Variants in NEURL1 observed in about 807,000 individuals in gnomAD.
The protein encoded by NEURL1 is E3 ubiquitin-protein ligase NEURL1.
Under a neutral mutation model 41.2 loss-of-function variants are expected in NEURL1, and 26 were observed. That is an observed-to-expected ratio of 0.63 (90% CI 0.46 to 0.87). The LOEUF is 0.87. NEURL1 is among the 40% of genes least tolerant of loss of function. The pLI is 0.00. For synonymous variants in NEURL1, 400 were observed against 402.3 expected (o/e 0.99, Z 0.07); for missense variants, 761 against 871.1 (o/e 0.87, Z 1.59).
chr10:103,574,384 G>GTT (rs148177794), intron 3 of NEURL1, among the ~76,000 whole-genome samples: 2 of 152,118 alleles, frequency 1.3e-5, no homozygotes, highest in African/African-American at 4.8e-5. Flanking sequence ...CACAGGGAGT[G>GTT]TTTTTTATCC....
At chr10:103,564,983 C>A (rs1028547706) in intron 1 of NEURL1, among the ~76,000 whole-genome samples, 1 of 152,204 alleles carries the variant, frequency 6.6e-6, no homozygotes. Flanking sequence ...ATGAGAACAG[C>A]GCCCCCTAGA....
chr10:103,565,921 G>A (rs1177904928), intron 1 of NEURL1, among the ~76,000 whole-genome samples: 2 of 152,082 alleles, frequency 1.3e-5, no homozygotes, highest in Admixed American at 6.6e-5. Context: ...CCAAAGTGCT[G>A]GGATTACAGA....
intron 1 of NEURL1, among the ~76,000 whole-genome samples, chr10:103,502,506 G>A (rs1170831640): frequency 6.6e-6 from 1 of 152,076 alleles, no homozygotes; most frequent in East Asian, 1.9e-4. Flanking sequence ...TTATAAAGCC[G>A]CTAATCCTAT....
intron 1 of NEURL1, among the ~76,000 whole-genome samples, chr10:103,561,966 G>A (rs1306834397): frequency 1.3e-5 from 2 of 152,142 alleles, no homozygotes; most frequent in South Asian, 2.1e-4. Context: ...GCACGAAGTG[G>A]GTGCTGCCTG....
intron 1 of NEURL1, among the ~76,000 whole-genome samples, chr10:103,570,232 C>T (rs1258581552): frequency 6.6e-6 from 1 of 152,142 alleles, no homozygotes; most frequent in East Asian, 1.9e-4. Flanking sequence ...TCTTGGGGGC[C>T]CCACCAGAGT....
intron 1 of NEURL1, among the ~76,000 whole-genome samples, chr10:103,517,546 G>C (rs1438701003): frequency 6.6e-6 from 1 of 152,230 alleles, no homozygotes; most frequent in Non-Finnish European, 1.5e-5. Context: ...TCTGGCCTTT[G>C]CCTGAGCTGG....
intron 1 of NEURL1, among the ~76,000 whole-genome samples, chr10:103,506,202 C>G (rs529167698): frequency 1.3e-3 from 192 of 152,282 alleles, no homozygotes; most frequent in Non-Finnish European, 1.7e-3. Flanking sequence ...TCCCACTTGG[C>G]TTGCCCCAGC....
chr10:103,589,047 A>G, intron 4 of NEURL1: 1 of 396,802 alleles, frequency 2.5e-6, no homozygotes, highest in Non-Finnish European at 4.9e-6. Flanking sequence ...AAGGCACTGC[A>G]GAGGTGCCAT....
At chr10:103,518,749 G>A (rs1389538373) in intron 1 of NEURL1, among the ~76,000 whole-genome samples, 3 of 152,142 alleles carry the variant, frequency 2.0e-5, no homozygotes, top group Non-Finnish European at 4.4e-5. Flanking sequence ...TGTGCATCTA[G>A]TTATCACTCA....
rs796115588 is a variant in NEURL1 at position 103,530,558 on chromosome 10, C to CT, written c.85+36100dup. On this transcript the variant is annotated intron_variant, in intron 1 of 5. Coordinates refer to ENST00000369780, the MANE Select transcript of NEURL1 (RefSeq NM_004210.5). The stretch of plus-strand genomic sequence containing the variant: ...AATGATAGTTGATATGATTTCAATT[C>CT]TTTTTTTTTTTTTTCTCTGTCACCC... Among the ~76,000 whole-genome samples the CT allele has an allele frequency of 3.2e-3, 455 of 142,894 alleles. 2 individuals carry two copies. Among genetic ancestry groups the CT allele is most frequent in the African/African-American group, 5.9e-3 (233 of 39,288 alleles). The allele number at this position is 142,894 out of a possible 152,430, so 93.7% of individuals were successfully genotyped here.
At chr10:103,561,318 G>A (rs1200109329) in intron 1 of NEURL1, among the ~76,000 whole-genome samples, 2 of 150,960 alleles carry the variant, frequency 1.3e-5, no homozygotes, top group South Asian at 4.2e-4. Context: ...CTAGAGTGCA[G>A]TGGTGTGATC....
At chr10:103,585,891 A>G (rs568038309) in intron 4 of NEURL1, among the ~76,000 whole-genome samples, 89 of 151,834 alleles carry the variant, frequency 5.9e-4, no homozygotes, top group African/African-American at 2.0e-3. Flanking sequence ...CTCGGTTACC[A>G]TTTCTCCAAA....
chr10:103,529,313 C>T (rs188893143), intron 1 of NEURL1, among the ~76,000 whole-genome samples: 5 of 152,128 alleles, frequency 3.3e-5, no homozygotes, highest in South Asian at 2.1e-4. Context: ...AGCCTTGAGC[C>T]GAGCCATGGG....
At chr10:103,513,124 T>C (rs1455924221) in intron 1 of NEURL1, among the ~76,000 whole-genome samples, 2 of 152,120 alleles carry the variant, frequency 1.3e-5, no homozygotes, top group African/African-American at 4.8e-5. Context: ...TGCTGCCTGC[T>C]GAAGTCTTGC....
rs547971946 is a variant in NEURL1 at position 103,545,083 on chromosome 10, A to G, written c.86-25789A>G. 1.8e-4 allele frequency among the ~76,000 whole-genome samples: 27 copies of G among 152,322 alleles called. No homozygotes were observed. The highest frequency in any genetic ancestry group is 1.4e-3 in the Admixed American group (21 of 15,308). On this transcript the variant is annotated intron_variant, in intron 1 of 5. Transcript: ENST00000369780. This position sits in a 1 kb window ranked among gnomAD's most constrained non-coding sequence, Gnocchi z 4.5. ...GCCTGAGAGAAGTTACTGGAAAGGG[A>G]AGAAAGGAAGGCGGCGGCAATGAGC...
chr10:103,584,853 C>T lies in NEURL1; in HGVS notation c.967C>T (p.Arg323Cys), dbSNP rs1361828012. The T allele has an allele frequency of 1.4e-6, 2 of 1,389,936 alleles. No homozygotes were observed. The highest frequency in any genetic ancestry group is 1.9e-6 in the Non-Finnish European group (2 of 1,079,714). 86.1% of individuals were successfully genotyped at this position (1,389,936 alleles called of 1,614,324 possible). A position where few individuals can be genotyped will look rare whatever the true frequency, so the allele number is the denominator to read the frequency against. ...GCGCGTGGAGCACGGGCGCGACGAGCGCGCGCTCGTCTTCACCAGCCGGCC... is the reference window on the plus strand; with the variant it reads ...GCGCGTGGAGCACGGGCGCGACGAGTGCGCGCTCGTCTTCACCAGCCGGCC... ...VARVEHGRDE[R>C]ALVFTSRPVR... is the part of the protein sequence containing the mutation. Residue 323 changes from arginine (R) to cysteine (C), a missense_variant, in exon 4 of 6, where the codon CGC (arginine) becomes TGC (cysteine). By Grantham distance (180) the Arg-to-Cys change is radical (BLOSUM62 -3). Around this residue, in one of 5 missense-constraint regions of NEURL1, gnomAD observed 443 missense variants for 408.1 expected, o/e 1.09. Transcript: ENST00000369780.
At chr10:103,564,907 G>A (rs2035384895) in intron 1 of NEURL1, among the ~76,000 whole-genome samples, 1 of 152,132 alleles carries the variant, frequency 6.6e-6, no homozygotes, top group Non-Finnish European at 1.5e-5. Flanking sequence ...GCAGGAGCAG[G>A]GACACTGCAG....
At position 103,494,071 on chromosome 10, in the gene NEURL1, C is replaced by CCGGGGAGCAAG; in HGVS notation, c.-308_-298dup. The CCGGGGAGCAAG allele has an allele frequency of 4.2e-6, 1 of 238,496 alleles. No individual in the cohort carries two copies. Among genetic ancestry groups the CCGGGGAGCAAG allele is most frequent in the Non-Finnish European group, 8.0e-6 (1 of 124,576 alleles). The allele number at this position is 238,496 out of a possible 1,614,324, so 14.8% of individuals were successfully genotyped here. A position where few individuals can be genotyped will look rare whatever the true frequency, so the allele number is the denominator to read the frequency against. ...CACCCCCAGCCGGAACCCTAGCGTC[C>CCGGGGAGCAAG]CGGGGAGCAAGCGGGGAGCCCCGGG... On this transcript the variant is annotated 5_prime_UTR_variant, in exon 1 of 6. An upstream open reading frame in the 5' UTR loses its in-frame stop. Transcript: ENST00000369780.
chr10:103,522,628 C>A (rs546077159), intron 1 of NEURL1, among the ~76,000 whole-genome samples: 1 of 148,748 alleles, frequency 6.7e-6, no homozygotes, highest in East Asian at 2.0e-4. Context: ...AAAAAGAAGT[C>A]GTCTTTGTCT....
Sources: gnomAD v4.1 joint callset for allele counts (sites outside exome capture counted in the v4.1 genomes callset) on GRCh38, gnomAD v4.1.1 for gene constraint, gnomAD v4.1.1 regional missense constraint, Gnocchi (gnomAD v3.1) non-coding constraint, MANE v1.5 for transcripts, NCBI Gene and HGNC (gene_info 2026-07-23, HGNC 2026-07-21) for gene names.